The following AHI1 variants were observed in gnomAD, a reference collection of about 807,000 sequenced individuals.
AHI1 encodes Abelson helper integration site 1, also known as jouberin.
AHI1 carries 123 observed loss-of-function variants against 149.3 expected under a neutral mutation model. The ratio of observed to expected loss-of-function variants is 0.82; its 90% CI spans 0.71 to 0.96. AHI1 has a LOEUF of 0.96. Among genes scored for constraint, AHI1 ranks in the 40% least tolerant of loss-of-function variants. The pLI is 0.00. For missense variants in AHI1, 1,439 were observed against 1,422.7 expected, an observed-to-expected ratio of 1.01 and a Z score of -0.18; for synonymous variants, 475 against 459.8, an observed-to-expected ratio of 1.03 and a Z score of -0.42.
chr6:135,358,214 T>A, intron 23 of AHI1, 27 bp from the exon 24 acceptor site: 1 of 1,596,954 alleles, frequency 6.3e-7, no homozygotes, highest in Non-Finnish European at 8.6e-7. Context: ...TTGTGAGTAT[T>A]TGGTTATTAA....
At chr6:135,375,318 C>G (rs1206044525) in intron 23 of AHI1, among the ~76,000 whole-genome samples, 2 of 151,738 alleles carry the variant, frequency 1.3e-5, no homozygotes, top group Non-Finnish European at 2.9e-5. Context: ...AAAAAACGAG[C>G]AACCACTGGA....
In AHI1 at chr6:135,438,502, A is replaced by G. The variant is rs1417237715; in HGVS notation, c.1913-4T>C. On this transcript the variant is annotated splice_region_variant and splice_polypyrimidine_tract_variant and intron_variant, in intron 14 of 28. Coordinates refer to ENST00000265602, the MANE Select transcript of AHI1 (RefSeq NM_001134831.2). Reference sequence around the variant, plus strand: ...CGTCCAGAAGGAATTTCATATACTAATGAAAATATTTAGAAATTAGGTTTC... The same window carrying G: ...CGTCCAGAAGGAATTTCATATACTAGTGAAAATATTTAGAAATTAGGTTTC... 5 of 1,531,676 alleles carry G rather than the reference A, an allele frequency of 3.3e-6. No homozygotes were observed. Among genetic ancestry groups the G allele is most frequent in the Non-Finnish European group, 4.4e-6 (5 of 1,135,602 alleles). 94.9% of individuals were successfully genotyped at this position (1,531,676 alleles called of 1,614,324 possible). A position where few individuals can be genotyped will look rare whatever the true frequency, so the allele number is the denominator to read the frequency against.
Position 135,358,234 on chromosome 6 carries a change from T to C in AHI1, c.3110-47A>G, listed in dbSNP as rs774268103. The C allele has an allele frequency of 6.7e-6, 10 of 1,488,496 alleles. No individual in the cohort carries two copies. In the East Asian group the frequency reaches 2.3e-4, roughly 34 times the overall value. The allele number at this position is 1,488,496 out of a possible 1,614,324, so 92.2% of individuals were successfully genotyped here. On this transcript the variant is annotated intron_variant, in intron 23 of 28. Transcript: ENST00000265602. ...AGTATTTGGTTATTAAGCCTGTCCA[T>C]TTTATGTTGAAAATATTCATGCCAT...
intron 23 of AHI1, among the ~76,000 whole-genome samples, chr6:135,390,645 T>C (rs1048465587): frequency 1.3e-5 from 2 of 152,122 alleles, no homozygotes; most frequent in Non-Finnish European, 2.9e-5. Flanking sequence ...GAGCTAGACA[T>C]GACTGCCACT....
intron 5 of AHI1, among the ~76,000 whole-genome samples, chr6:135,473,403 A>G (rs755525337): frequency 1.6e-4 from 24 of 152,250 alleles, no homozygotes; most frequent in Non-Finnish European, 3.1e-4. Flanking sequence ...TTCCTTTTCA[A>G]AATTGTTTTG....
chr6:135,460,069 GCTA>G (rs1363386067), intron 8 of AHI1, among the ~76,000 whole-genome samples: 2 of 152,064 alleles, frequency 1.3e-5, no homozygotes, highest in African/African-American at 4.8e-5. Flanking sequence ...TGTAGTCCCA[GCTA>G]CTTGGAAGAC....
In AHI1 at chr6:135,377,462, G is replaced by GTTATTTATTTAT. The variant is rs57058733; in HGVS notation, c.3109+17302_3109+17313dup. ...CATAAGCAGAGTAATCTGGCTTTGA[G>GTTATTTATTTAT]TTATTTATTTATTTATTTATTTATT... On this transcript the variant is annotated intron_variant, in intron 23 of 28. Coordinates refer to ENST00000265602, the MANE Select transcript of AHI1 (RefSeq NM_001134831.2). Among the ~76,000 whole-genome samples the GTTATTTATTTAT allele has an allele frequency of 4.5e-3, 666 of 148,510 alleles. 6 individuals carry two copies. Among genetic ancestry groups the GTTATTTATTTAT allele is most frequent in the African/African-American group, 0.015 (585 of 39,980 alleles).
chr6:135,450,424 C>T (rs923682543), intron 11 of AHI1, among the ~76,000 whole-genome samples: 72 of 152,198 alleles, frequency 4.7e-4, no homozygotes, highest in African/African-American at 1.7e-3. Context: ...AAATATAGCC[C>T]ATCTTTTCCC....
chr6:135,484,814 A>T lies in AHI1; in HGVS notation c.135+5809T>A, dbSNP rs1562281785. ...TCATTCATTCAACAAATACTTATTG[A>T]GTCTTCTGTGTGCAGGCAGAAAATG... On this transcript the variant is annotated intron_variant, in intron 5 of 28. Transcript: ENST00000265602. Among the ~76,000 whole-genome samples the T allele has an allele frequency of 2.0e-5, 3 of 151,226 alleles. No individual in the cohort carries two copies. In the South Asian group the frequency reaches 6.2e-4, roughly 31 times the overall value.
rs566376945 is a variant in AHI1 at position 135,449,995 on chromosome 6, T to A, written c.1441-1520A>T. Among the ~76,000 whole-genome samples the A allele has an allele frequency of 3.9e-5, 6 of 152,268 alleles. No homozygotes were observed. The South Asian group carries it at 1.2e-3, about 31-fold the overall frequency. On this transcript the variant is annotated intron_variant, in intron 11 of 28. Coordinates refer to ENST00000265602, the MANE Select transcript of AHI1 (RefSeq NM_001134831.2). ...GAGAGAGTAGCACGGATACTCAGTT[T>A]GGAGGAATCTGACATATCTATAAGT...
At chr6:135,466,955 T>TCC (rs1392018500) in intron 6 of AHI1, among the ~76,000 whole-genome samples, 12 of 152,246 alleles carry the variant, frequency 7.9e-5, no homozygotes, top group African/African-American at 2.9e-4. Flanking sequence ...TTATTTAAAA[T>TCC]GAGATATATT....
rs3071751 is a variant in AHI1 at position 135,324,551 on chromosome 6, C to CATATAT, written c.3166-1233_3166-1228dup. Among the ~76,000 whole-genome samples, 220 of 144,800 alleles carry CATATAT rather than the reference C, an allele frequency of 1.5e-3. 1 individual carries two copies. Among genetic ancestry groups the CATATAT allele is most frequent in the African/African-American group, 4.4e-3 (175 of 39,588 alleles). The allele number at this position is 144,800 out of a possible 152,430, so 95.0% of individuals were successfully genotyped here. On this transcript the variant is annotated intron_variant, in intron 24 of 28. Coordinates refer to ENST00000265602, the MANE Select transcript of AHI1 (RefSeq NM_001134831.2). ...AAAATTACATATATAGTTATATATACATATATATATATATATATATATTTA... is the reference window on the plus strand; with the variant it reads ...AAAATTACATATATAGTTATATATACATATATATATATATATATATATATATATTTA...
chr6:135,302,738 G>A (rs1179235333), intron 26 of AHI1: 59 of 1,280,440 alleles, frequency 4.6e-5, no homozygotes, highest in Admixed American at 1.2e-4. Context: ...GCAGCAGCAC[G>A]TCATATAGGT....
At chr6:135,426,692 T>C (rs1207191579) in intron 20 of AHI1, among the ~76,000 whole-genome samples, 1 of 151,622 alleles carries the variant, frequency 6.6e-6, no homozygotes. Context: ...TGAAAAATAA[T>C]GTATCCACAC....
At chr6:135,370,670 G>A (rs1038001105) in intron 23 of AHI1, among the ~76,000 whole-genome samples, 1 of 152,150 alleles carries the variant, frequency 6.6e-6, no homozygotes, top group Admixed American at 6.5e-5. Flanking sequence ...AATTCTCTGT[G>A]ACCACATCTC....
chr6:135,454,655 T>C (rs1234435536), intron 10 of AHI1, among the ~76,000 whole-genome samples: 1 of 152,172 alleles, frequency 6.6e-6, no homozygotes. Context: ...GCATAGGCAA[T>C]AACATATTAC....
At chr6:135,482,297 A>G (rs1171376430) in intron 5 of AHI1, among the ~76,000 whole-genome samples, 1 of 152,190 alleles carries the variant, frequency 6.6e-6, no homozygotes, top group East Asian at 1.9e-4. Context: ...CAGTAAGGAT[A>G]GGGCAGTATA....
chr6:135,489,951 G>A (rs1025129304), intron 5 of AHI1: 2 of 360,704 alleles, frequency 5.5e-6, no homozygotes, highest in Admixed American at 4.5e-5. Context: ...ATTTTTTTCT[G>A]TGAGGACAGA....
intron 27 of AHI1, among the ~76,000 whole-genome samples, chr6:135,295,491 T>C (rs1426955891): frequency 3.3e-5 from 5 of 152,210 alleles, no homozygotes; most frequent in Non-Finnish European, 5.9e-5. Flanking sequence ...ACCCCTATGT[T>C]CACACAAAGA....
Sources: gnomAD v4.1 joint callset for allele counts (sites outside exome capture counted in the v4.1 genomes callset) on GRCh38, gnomAD v4.1.1 for gene constraint, MANE v1.5 for transcripts, NCBI Gene and HGNC (gene_info 2026-07-23, HGNC 2026-07-21) for gene names.